Variants in CALN1 observed in about 807,000 individuals in gnomAD.
CALN1 encodes calneuron 1.
In CALN1, 17 loss-of-function variants were observed where a neutral mutation model predicts 30.6. The observed-to-expected ratio is 0.56, with a 90% CI of 0.38 to 0.83. The LOEUF is 0.83. Ranked by LOEUF, CALN1 falls within the 40% of genes least tolerant of loss-of-function variation. The probability of loss-of-function intolerance (pLI) is 0.00; values close to 1 mark genes in which losing one functional copy is unlikely to be tolerated. For missense variants in CALN1, 291 were observed against 354.9 expected, an observed-to-expected ratio of 0.82 and a Z score of 1.45; for synonymous variants, 156 against 131.4, an observed-to-expected ratio of 1.19 and a Z score of -1.28.
In CALN1 at chr7:71,810,562, G is replaced by C. The variant is rs1787890367; in HGVS notation, c.502-70C>G. The C allele has an allele frequency of 3.3e-6, 5 of 1,508,066 alleles. No homozygotes were observed. In the South Asian group the frequency reaches 6.2e-5, roughly 19 times the overall value. The allele number at this position is 1,508,066 out of a possible 1,614,324, so 93.4% of individuals were successfully genotyped here. A position where few individuals can be genotyped will look rare whatever the true frequency, so the allele number is the denominator to read the frequency against. On this transcript the variant is annotated intron_variant, in intron 5 of 6. Transcript: ENST00000395275. ...TGGGAAGTTGGCTCGGGCCATGACA[G>C]GCCAGACCCACAGCTGCTCTGCAGA...
intron 5 of CALN1, among the ~76,000 whole-genome samples, chr7:71,823,570 T>C (rs1279884137): frequency 6.6e-6 from 1 of 151,914 alleles, no homozygotes; most frequent in African/African-American, 2.4e-5. Flanking sequence ...ATATAAAAAT[T>C]AGCCGGGCAT....
chr7:72,280,583 T>C (rs994210804), intron 2 of CALN1, among the ~76,000 whole-genome samples: 2 of 152,200 alleles, frequency 1.3e-5, no homozygotes, highest in Admixed American at 6.5e-5. Flanking sequence ...AAAGGAAGAA[T>C]CGCATGTGTG....
chr7:71,981,347 G>T (rs1798383396), intron 5 of CALN1, among the ~76,000 whole-genome samples: 1 of 152,034 alleles, frequency 6.6e-6, no homozygotes, highest in Admixed American at 6.6e-5. Flanking sequence ...TACCCTGGGG[G>T]ACAAAATGCT....
chr7:72,445,942 C>A (rs1363252434), intron 1 of CALN1, among the ~76,000 whole-genome samples: 1 of 152,182 alleles, frequency 6.6e-6, no homozygotes, highest in Non-Finnish European at 1.5e-5. Flanking sequence ...GGGATGTTAA[C>A]CATTCAGCGT....
chr7:72,101,789 C>T (rs2129540813), intron 4 of CALN1, among the ~76,000 whole-genome samples: 1 of 152,254 alleles, frequency 6.6e-6, no homozygotes, highest in Middle Eastern at 3.4e-3. Context: ...TCTCCTCTGT[C>T]CTTGCTTCTT....
At chr7:71,959,924 A>G (rs1336581907) in intron 5 of CALN1, among the ~76,000 whole-genome samples, 1 of 152,088 alleles carries the variant, frequency 6.6e-6, no homozygotes, top group African/African-American at 2.4e-5. Context: ...ACCTGAGGTC[A>G]GGAGTTTGAG....
chr7:71,951,896 C>T (rs1796711305), intron 5 of CALN1, among the ~76,000 whole-genome samples: 1 of 151,846 alleles, frequency 6.6e-6, no homozygotes, highest in Non-Finnish European at 1.5e-5. Flanking sequence ...TGATGTCTTG[C>T]ACTTTTTCTG....
At chr7:71,873,483 T>A (rs1792065638) in intron 5 of CALN1, among the ~76,000 whole-genome samples, 1 of 152,250 alleles carries the variant, frequency 6.6e-6, no homozygotes, top group Non-Finnish European at 1.5e-5. Flanking sequence ...TGAGCTAGAA[T>A]TAAAACCCAG....
In CALN1 at chr7:71,793,876, A is replaced by AC. The variant is rs568094136; in HGVS notation, c.659-5975_659-5974insG. ...AAGACTGTCTAAAAAAACCAAAAAA[A>AC]ACAAAAAGAAACACATACAAAAAAG... On this transcript the variant is annotated intron_variant, in intron 6 of 6. Coordinates refer to ENST00000395275, the MANE Select transcript of CALN1 (RefSeq NM_031468.4). Among the ~76,000 whole-genome samples, 236 of 140,018 alleles carry AC rather than the reference A, an allele frequency of 1.7e-3. 1 individual carries two copies. The highest frequency in any genetic ancestry group is 6.6e-3 in the African/African-American group (224 of 33,714). The allele number at this position is 140,018 out of a possible 152,430, so 91.9% of individuals were successfully genotyped here. A position where few individuals can be genotyped will look rare whatever the true frequency, so the allele number is the denominator to read the frequency against.
At chr7:72,384,745 T>C (rs1288149974) in intron 2 of CALN1, among the ~76,000 whole-genome samples, 2 of 152,058 alleles carry the variant, frequency 1.3e-5, no homozygotes, top group Admixed American at 1.3e-4. Flanking sequence ...AGAGGTGACC[T>C]TGTGTTTGGT....
chr7:72,385,623 A>G (rs934747317), intron 2 of CALN1, among the ~76,000 whole-genome samples: 3 of 152,180 alleles, frequency 2.0e-5, no homozygotes, highest in Admixed American at 2.0e-4. Flanking sequence ...TCCCCACCCA[A>G]TGCTCATCTG....
At chr7:71,881,227 T>C (rs1234582527) in intron 5 of CALN1, among the ~76,000 whole-genome samples, 3 of 152,194 alleles carry the variant, frequency 2.0e-5, no homozygotes, top group Non-Finnish European at 4.4e-5. Flanking sequence ...GGCTGCACTG[T>C]TGACTTCTCT....
intron 5 of CALN1, among the ~76,000 whole-genome samples, chr7:71,816,172 TA>T (rs1788255050): frequency 6.6e-6 from 1 of 152,096 alleles, no homozygotes; most frequent in African/African-American, 2.4e-5. Flanking sequence ...ACCTCTGTTC[TA>T]AAAAATTAAA....
chr7:72,058,310 C>CTTTTTTTTTTTTTTTT lies in CALN1; in HGVS notation c.389-34557_389-34542dup, dbSNP rs3065011. Among the ~76,000 whole-genome samples the CTTTTTTTTTTTTTTTT allele has an allele frequency of 7.1e-5, 5 of 70,746 alleles. No individual in the cohort carries two copies. In the East Asian group the frequency reaches 1.2e-3, roughly 18 times the overall value. 46.4% of individuals were successfully genotyped at this position (70,746 alleles called of 152,430 possible). A position where few individuals can be genotyped will look rare whatever the true frequency, so the allele number is the denominator to read the frequency against. On this transcript the variant is annotated intron_variant, in intron 4 of 6. Coordinates refer to ENST00000395275, the MANE Select transcript of CALN1 (RefSeq NM_031468.4). The stretch of plus-strand genomic sequence containing the variant: ...GCTACAAGCTGCAACAAGCTGGAAT[C>CTTTTTTTTTTTTTTTT]TTTTTTTTTTTTTTTTTTTTTTTTT...
intron 2 of CALN1, among the ~76,000 whole-genome samples, chr7:72,334,471 G>A (rs986283883): frequency 2.3e-4 from 35 of 152,102 alleles, no homozygotes; most frequent in African/African-American, 8.0e-4. Context: ...CCACTGGAGA[G>A]ATAAATGTAA....
chr7:72,386,130 G>C (rs1372529444), intron 2 of CALN1, among the ~76,000 whole-genome samples: 1 of 152,202 alleles, frequency 6.6e-6, no homozygotes, highest in Non-Finnish European at 1.5e-5. Flanking sequence ...GCATTTTTCA[G>C]GGCAGTGAAA....
chr7:71,996,980 A>T (rs1446114098), intron 5 of CALN1, among the ~76,000 whole-genome samples: 3 of 152,214 alleles, frequency 2.0e-5, no homozygotes, highest in African/African-American at 7.2e-5. Flanking sequence ...TAATCCCAGT[A>T]CTTTGGGGAG....
intron 3 of CALN1, among the ~76,000 whole-genome samples, chr7:72,112,891 G>A (rs942896745): frequency 2.0e-5 from 3 of 152,168 alleles, no homozygotes; most frequent in Non-Finnish European, 4.4e-5. Context: ...AGATGTTGAA[G>A]GGACAACTCT....
chr7:72,419,005 G>A (rs950156682), intron 1 of CALN1, among the ~76,000 whole-genome samples: 3 of 152,118 alleles, frequency 2.0e-5, no homozygotes, highest in Admixed American at 1.3e-4. Context: ...GACAAAGCAA[G>A]ACTCCAAGTA....
Sources: gnomAD v4.1 joint callset for allele counts (sites outside exome capture counted in the v4.1 genomes callset) on GRCh38, gnomAD v4.1.1 for gene constraint, MANE v1.5 for transcripts, NCBI Gene and HGNC (gene_info 2026-07-23, HGNC 2026-07-21) for gene names.